The following SLC6A2 variants were observed in gnomAD, a reference collection of about 807,000 sequenced individuals.
The protein encoded by SLC6A2 is sodium-dependent noradrenaline transporter.
SLC6A2 carries 26 observed loss-of-function variants against 71.7 expected under a neutral mutation model. The observed-to-expected ratio is 0.36, with a 90% CI of 0.27 to 0.50. SLC6A2 has a LOEUF of 0.50. SLC6A2 is among the 20% of genes least tolerant of loss of function. The probability of loss-of-function intolerance (pLI) is 0.96; values close to 1 mark genes in which losing one functional copy is unlikely to be tolerated. For missense variants in SLC6A2, 581 were observed against 803.9 expected, an observed-to-expected ratio of 0.72 and a Z score of 3.35; for synonymous variants, 363 against 337.9, an observed-to-expected ratio of 1.07 and a Z score of -0.82.
In SLC6A2 at chr16:55,700,231, C is replaced by A; in HGVS notation, c.1683C>A (p.Ile561=). The change falls in exon 13 of 15, where the codon ATC becomes ATA. Residue 561 remains isoleucine (I), a synonymous_variant. Coordinates refer to ENST00000568943, the MANE Select transcript of SLC6A2 (RefSeq NM_001172501.3). ...GGGCCAACTGGGTGGGGTGGGGCAT[C>A]GCCCTGTCCTCCATGGTCCTGGTGC... ...PPWANWVGWG[I]ALSSMVLVPI... 1 of 1,614,082 alleles carries A rather than the reference C, an allele frequency of 6.2e-7. No individual in the cohort carries two copies. Among genetic ancestry groups the A allele is most frequent in the Non-Finnish European group, 8.5e-7 (1 of 1,179,988 alleles).
intron 4 of SLC6A2, 151 bp downstream of exon 4, chr16:55,672,326 G>A: frequency 9.2e-6 from 13 of 1,407,326 alleles, no homozygotes; most frequent in South Asian, 1.3e-5. Flanking sequence ...CTGGGTGAGA[G>A]GCTGAGGACA....
chr16:55,700,350 GA>G (rs1230744228), intron 13 of SLC6A2, 44 bp downstream of exon 13: 4 of 1,537,302 alleles, frequency 2.6e-6, no homozygotes, highest in Admixed American at 1.7e-5. Flanking sequence ...GGAGGGGGCT[GA>G]GGGGGAAGAC....
Position 55,702,614 on chromosome 16 carries a change from C to G in SLC6A2, c.*268C>G, listed in dbSNP as rs1966007269. 2 of 1,394,942 alleles carry G rather than the reference C, an allele frequency of 1.4e-6. No homozygotes were observed. Among genetic ancestry groups the G allele is most frequent in the African/African-American group, 2.9e-5 (2 of 68,888 alleles). The allele number at this position is 1,394,942 out of a possible 1,614,324, so 86.4% of individuals were successfully genotyped here. ...CCCCGCTGTTTTGGGGGAAGTCTCT[C>G]CCACTTTGGGATCCTGCTGAAGCTA... On this transcript the variant is annotated 3_prime_UTR_variant, in exon 15 of 15. Coordinates refer to ENST00000568943, the MANE Select transcript of SLC6A2 (RefSeq NM_001172501.3).
Position 55,656,667 on chromosome 16 carries a change from G to T in SLC6A2, c.-28G>T, listed in dbSNP as rs1285700171. 1.9e-6 allele frequency: 3 copies of T among 1,610,964 alleles called. No individual in the cohort carries two copies. The African/African-American group carries it at 4.0e-5, about 22-fold the overall frequency. On this transcript the variant is annotated 5_prime_UTR_variant, in exon 2 of 15. Coordinates refer to ENST00000568943, the MANE Select transcript of SLC6A2 (RefSeq NM_001172501.3). This position sits in a 1 kb window ranked among gnomAD's most constrained non-coding sequence, Gnocchi z 4.5. ...AGAGCCTCGGCGTGCCCCCAGGACC[G>T]GTAAAGTTCCTCTCGCCAGCCGCAT...
rs117250153 is a variant in SLC6A2 at position 55,658,204 on chromosome 16, A to C, written c.274+1236A>C. Among the ~76,000 whole-genome samples the C allele has an allele frequency of 5.4e-3, 815 of 152,136 alleles. 8 individuals are homozygous for C. The highest frequency in any genetic ancestry group is 9.5e-3 in the Non-Finnish European group (646 of 67,984). Reference sequence around the variant, plus strand: ...GGACACTTGCTTTGGGACGGGCAATACTTGGTGTTTGCAAAAAAGGAGTGG... The same window carrying C: ...GGACACTTGCTTTGGGACGGGCAATCCTTGGTGTTTGCAAAAAAGGAGTGG... On this transcript the variant is annotated intron_variant, in intron 2 of 14. Transcript: ENST00000568943.
chr16:55,673,924 T>C (rs928556473), intron 4 of SLC6A2, among the ~76,000 whole-genome samples: 3 of 152,222 alleles, frequency 2.0e-5, no homozygotes, highest in African/African-American at 7.2e-5. Context: ...CTCCCCTGTT[T>C]ATTTATTTTT....
chr16:55,692,219 T>C (rs1253778541), intron 6 of SLC6A2, among the ~76,000 whole-genome samples, 167 bp downstream of exon 6: 1 of 152,156 alleles, frequency 6.6e-6, no homozygotes. Context: ...CCAATGCGGA[T>C]TTGCACCTGA....
chr16:55,675,368 G>A (rs1383459953), intron 4 of SLC6A2, among the ~76,000 whole-genome samples: 2 of 152,240 alleles, frequency 1.3e-5, no homozygotes, highest in African/African-American at 4.8e-5. Flanking sequence ...GTCTAGAGCA[G>A]AGGTCCCCAA....
Position 55,669,770 on chromosome 16 carries a change from T to G in SLC6A2, c.406+74T>G, listed in dbSNP as rs1259995968. 3.9e-6 allele frequency: 6 copies of G among 1,529,878 alleles called. No homozygotes were observed. The Admixed American group carries it at 1.0e-4, about 26-fold the overall frequency. 94.8% of individuals were successfully genotyped at this position (1,529,878 alleles called of 1,614,324 possible). A position where few individuals can be genotyped will look rare whatever the true frequency, so the allele number is the denominator to read the frequency against. ...GTTGCCCTTGGGGAATCTGCTCCAG[T>G]GGTGAGATCTAAGGTAGACCTCCTG... is the stretch of plus-strand genomic sequence containing the variant. On this transcript the variant is annotated intron_variant, in intron 3 of 14. Coordinates refer to ENST00000568943, the MANE Select transcript of SLC6A2 (RefSeq NM_001172501.3).
intron 5 of SLC6A2, among the ~76,000 whole-genome samples, chr16:55,687,165 G>T (rs1256005811): frequency 0.01 from 2 of 198 alleles, no homozygotes; most frequent in Non-Finnish European, 0.034. Flanking sequence ...CACAAACTAT[G>T]TGCACTATTA....
rs761774529 is a variant in SLC6A2 at position 55,669,587 on chromosome 16, A to G, written c.297A>G (p.Thr99=). 10 of 1,613,918 alleles carry G rather than the reference A, an allele frequency of 6.2e-6. No individual in the cohort carries two copies. ...NGGGAFLIPY[T]LFLIIAGMPL... is the part of the protein sequence containing the mutation. ...CAGGTGCCTTCTTGATCCCGTACAC[A>G]CTGTTCCTTATCATCGCGGGGATGC... The change falls in exon 3 of 15, where the codon ACA becomes ACG. Residue 99 remains threonine, a synonymous_variant. Transcript: ENST00000568943.
rs74708139 is a variant in SLC6A2, at chr16:55,690,790, A to C, written c.784-1128A>C. ...CCAAGAATAGGATCTGAGCTTTAAC[A>C]TTTTTACCTATAACTTCCCCCAGGG... On this transcript the variant is annotated intron_variant, in intron 5 of 14. Transcript: ENST00000568943. Among the ~76,000 whole-genome samples the C allele has an allele frequency of 2.6e-5, 4 of 152,282 alleles. No homozygotes were observed. The East Asian group carries it at 7.7e-4, about 29-fold the overall frequency.
At chr16:55,674,092 A>T (rs1965007350) in intron 4 of SLC6A2, among the ~76,000 whole-genome samples, 1 of 152,264 alleles carries the variant, frequency 6.6e-6, no homozygotes, top group East Asian at 1.9e-4. Flanking sequence ...GGTACATTGC[A>T]TGATGCTGAG....
rs570941818 is a variant in SLC6A2 at position 55,683,218 on chromosome 16, G to A, written c.645-1925G>A. Among the ~76,000 whole-genome samples, 6 of 152,218 alleles carry A rather than the reference G, an allele frequency of 3.9e-5. No individual in the cohort carries two copies. In the South Asian group the frequency reaches 6.2e-4, roughly 16 times the overall value. ...TTTGATTAGATTCTCATTAGCAAAC[G>A]GTCATTTTGTTTTCAATTCTCTTTA... On this transcript the variant is annotated intron_variant, in intron 4 of 14. Coordinates refer to ENST00000568943, the MANE Select transcript of SLC6A2 (RefSeq NM_001172501.3).
chr16:55,705,172 C>T lies in SLC6A2; in HGVS notation c.*2826C>T, dbSNP rs758034307. 2 of 1,324,456 alleles carry T rather than the reference C, an allele frequency of 1.5e-6. No individual in the cohort carries two copies. Among genetic ancestry groups the T allele is most frequent in the Admixed American group, 2.0e-5 (1 of 50,620 alleles). The allele number at this position is 1,324,456 out of a possible 1,614,324, so 82.0% of individuals were successfully genotyped here. A position where few individuals can be genotyped will look rare whatever the true frequency, so the allele number is the denominator to read the frequency against. ...TGAGAACATCACATTTACGTCTACT[C>T]AATGTCTAGTTATTTAGCACCCACC... On this transcript the variant is annotated 3_prime_UTR_variant, in exon 15 of 15. Transcript: ENST00000568943.
In SLC6A2 at chr16:55,685,183, G is replaced by T. The variant is rs777985108; in HGVS notation, c.685G>T (p.Asp229Tyr). ...LHLHESSGIH[D>Y]IGLPQWQLLL... ...CCTTCACGAGAGCAGCGGGATTCAT[G>T]ACATCGGCCTGCCCCAGTGGCAGCT... Residue 229 changes from aspartate (D) to tyrosine (Y), a missense_variant, in exon 5 of 15, where the codon GAC becomes TAC. Physicochemically the swap from Asp to Tyr is radical, Grantham distance 160. Around this residue, in one of 5 missense-constraint regions of SLC6A2, gnomAD observed 87 missense variants for 99.5 expected, o/e 0.87. Transcript: ENST00000568943. 1 of 1,614,158 alleles carries T rather than the reference G, an allele frequency of 6.2e-7. No homozygotes were observed. Among genetic ancestry groups the T allele is most frequent in the South Asian group, 1.1e-5 (1 of 91,078 alleles).
At position 55,701,893 on chromosome 16, in the gene SLC6A2, G is replaced by T. The variant is rs748953037; in HGVS notation, c.1789G>T (p.Glu597Ter). The T allele has an allele frequency of 6.2e-7, 1 of 1,614,114 alleles. No individual in the cohort carries two copies. Among genetic ancestry groups the T allele is most frequent in the Non-Finnish European group, 8.5e-7 (1 of 1,179,952 alleles). ...RLAYGITPEN[E>*]HHLVAQRDIR... The stretch of plus-strand genomic sequence containing the variant: ...GGCCTATGGCATCACGCCAGAGAAC[G>T]AGCACCACCTGGTGGCTCAGAGGGA... Residue 597 changes from glutamate to a stop codon, truncating the protein, a stop_gained, in exon 14 of 15, where the codon GAG becomes TAG. Coordinates refer to ENST00000568943, the MANE Select transcript of SLC6A2 (RefSeq NM_001172501.3). LOFTEE classifies it high-confidence loss of function.
At chr16:55,661,733 A>G (rs931717339) in intron 2 of SLC6A2, among the ~76,000 whole-genome samples, 12 of 152,200 alleles carry the variant, frequency 7.9e-5, no homozygotes, top group Admixed American at 6.5e-5. Context: ...ATCTCAAAAT[A>G]GATTCATCAC....
At chr16:55,659,068 C>G (rs986741856) in intron 2 of SLC6A2, among the ~76,000 whole-genome samples, 2 of 152,164 alleles carry the variant, frequency 1.3e-5, no homozygotes, top group Admixed American at 1.3e-4. Context: ...TGTCTCTAGA[C>G]AGTGGAAGGC....
Sources: allele counts gnomAD v4.1 joint callset (sites outside exome capture counted in the v4.1 genomes callset), GRCh38; gene constraint gnomAD v4.1.1; regional missense constraint gnomAD v4.1.1; non-coding constraint Gnocchi (gnomAD v3.1); transcripts MANE v1.5; gene names NCBI Gene and HGNC (gene_info 2026-07-23, HGNC 2026-07-21).